The following SLC43A1 variants were observed in gnomAD, a reference collection of about 807,000 sequenced individuals.
SLC43A1 encodes the protein large neutral amino acids transporter small subunit 3.
SLC43A1 carries 31 observed loss-of-function variants against 59.5 expected under a neutral mutation model. The observed-to-expected ratio is 0.52, with a 90% CI of 0.39 to 0.70. The LOEUF (loss-of-function observed/expected upper bound fraction) is 0.70, where lower values mean the gene tolerates loss of function less well. Among genes scored for constraint, SLC43A1 ranks in the 30% least tolerant of loss-of-function variants. The pLI is 0.00. For synonymous variants in SLC43A1, 259 were observed against 290.9 expected, an observed-to-expected ratio of 0.89 and a Z score of 1.12; for missense variants, 598 against 717.8, an observed-to-expected ratio of 0.83 and a Z score of 1.91.
In SLC43A1 at chr11:57,491,238, G is replaced by C. The variant is rs567214935; in HGVS notation, c.1179C>G (p.Val393=). ...AGGCAGGTCACCTGGCATCTCCGAG[G>C]ACAGTGCCCTGAGTTGGGGCGTCCA... ...DCVDAPTQGT[V]LGDARDGVAT... is the part of the protein sequence containing the mutation. The change falls in exon 11 of 15, where the codon GTC becomes GTG. Residue 393 remains valine, a synonymous_variant. Transcript: ENST00000278426. 6.3e-7 allele frequency: 1 copy of C among 1,589,668 alleles called. No individual in the cohort carries two copies. The highest frequency in any genetic ancestry group is 1.8e-5 in the Admixed American group (1 of 57,012).
intron 2 of SLC43A1, among the ~76,000 whole-genome samples, chr11:57,502,740 G>A (rs1008609236): frequency 5.9e-5 from 9 of 152,020 alleles, no homozygotes; most frequent in Admixed American, 1.3e-4. Flanking sequence ...CGAGCATGGC[G>A]ATGCATGTCT....
intron 2 of SLC43A1, among the ~76,000 whole-genome samples, chr11:57,509,756 A>G (rs1944488991): frequency 6.6e-6 from 1 of 151,878 alleles, no homozygotes; most frequent in African/African-American, 2.4e-5. Flanking sequence ...GAAAGAAGGA[A>G]ACACAGGTGT....
chr11:57,503,603 A>G (rs548633393), intron 2 of SLC43A1, among the ~76,000 whole-genome samples: 1 of 152,266 alleles, frequency 6.6e-6, no homozygotes, highest in African/African-American at 2.4e-5. Flanking sequence ...GATTACAGAC[A>G]TGAGCAACTG....
chr11:57,497,925 G>T, intron 5 of SLC43A1, 80 bp from the exon 6 acceptor site: 1 of 1,061,476 alleles, frequency 9.4e-7, no homozygotes, highest in South Asian at 1.4e-5. Flanking sequence ...CCATACAATA[G>T]CCCCAGGAGA....
intron 13 of SLC43A1, among the ~76,000 whole-genome samples, chr11:57,488,480 TTATTG>T: frequency 6.6e-6 from 1 of 152,320 alleles, no homozygotes; most frequent in South Asian, 2.1e-4. Flanking sequence ...TTTGTCATCA[TTATTG>T]TAATGTCCTG....
chr11:57,514,999 G>A lies in SLC43A1; in HGVS notation c.-14+445C>T. On this transcript the variant is annotated intron_variant, in intron 1 of 14. Transcript: ENST00000278426. This position sits in a 1 kb window ranked among gnomAD's most constrained non-coding sequence, Gnocchi z 5.5. ...GCTGCAGCCTCGGCGGGAGGAGAGGGAACGCGGGCGGCGCGGGGGCGGGGA... is the reference window on the plus strand; with the variant it reads ...GCTGCAGCCTCGGCGGGAGGAGAGGAAACGCGGGCGGCGCGGGGGCGGGGA... The A allele has an allele frequency of 2.0e-6, 2 of 983,516 alleles. No individual in the cohort carries two copies. The highest frequency in any genetic ancestry group is 2.4e-6 in the Non-Finnish European group (2 of 828,220). 60.9% of individuals were successfully genotyped at this position (983,516 alleles called of 1,614,324 possible).
intron 6 of SLC43A1, among the ~76,000 whole-genome samples, chr11:57,496,788 T>A (rs1054789320): frequency 3.3e-5 from 5 of 152,216 alleles, no homozygotes; most frequent in African/African-American, 1.2e-4. Context: ...TGTCAGCCCT[T>A]CTTATGGAAG....
At chr11:57,493,091 G>A (rs1055153443) in intron 8 of SLC43A1, among the ~76,000 whole-genome samples, 1 of 151,982 alleles carries the variant, frequency 6.6e-6, no homozygotes, top group Non-Finnish European at 1.5e-5. Context: ...ACTCACTATG[G>A]GCTACATACT....
chr11:57,504,156 C>T (rs1944338934), intron 2 of SLC43A1, among the ~76,000 whole-genome samples: 3 of 152,112 alleles, frequency 2.0e-5, no homozygotes, highest in Admixed American at 2.0e-4. Context: ...GAGATCGCGC[C>T]ACTGCACTCC....
intron 14 of SLC43A1, among the ~76,000 whole-genome samples, chr11:57,486,459 G>A (rs1255608148): frequency 4.0e-5 from 6 of 150,760 alleles, no homozygotes; most frequent in Admixed American, 1.3e-4. Flanking sequence ...TTTTACCACT[G>A]CACTCCAGAC....
chr11:57,493,923 T>A (rs1435845168), intron 8 of SLC43A1, 70 bp downstream of exon 8: 1 of 1,447,078 alleles, frequency 6.9e-7, no homozygotes. Context: ...TACTCAACCA[T>A]GAGTGCTCAC....
chr11:57,496,214 C>A, intron 6 of SLC43A1, 50 bp from the exon 7 acceptor site: 1 of 1,606,366 alleles, frequency 6.2e-7, no homozygotes, highest in East Asian at 2.2e-5. Flanking sequence ...GGCCCCAGAC[C>A]CCACCAAGGT....
At chr11:57,498,359 T>A (rs1019547323) in intron 5 of SLC43A1, among the ~76,000 whole-genome samples, 3 of 152,078 alleles carry the variant, frequency 2.0e-5, no homozygotes, top group African/African-American at 7.2e-5. Flanking sequence ...GAGAATCGCT[T>A]GAACCTGGGA....
intron 8 of SLC43A1, among the ~76,000 whole-genome samples, chr11:57,492,106 C>T (rs1475424069): frequency 3.3e-5 from 5 of 151,850 alleles, no homozygotes; most frequent in East Asian, 3.9e-4. Flanking sequence ...CCATGGCTCA[C>T]GCCTGTAATC....
At chr11:57,513,359 T>C (rs1365762602) in intron 2 of SLC43A1, among the ~76,000 whole-genome samples, 1 of 152,228 alleles carries the variant, frequency 6.6e-6, no homozygotes, top group Admixed American at 6.5e-5. Context: ...GGTAACTCCC[T>C]GCCCCAAGGC....
chr11:57,496,216 C>A (rs752517233), intron 6 of SLC43A1, 52 bp from the exon 7 acceptor site: 13 of 1,601,198 alleles, frequency 8.1e-6, no homozygotes, highest in Non-Finnish European at 1.1e-5. Flanking sequence ...CCCCAGACCC[C>A]ACCAAGGTAG....
intron 5 of SLC43A1, among the ~76,000 whole-genome samples, chr11:57,498,450 A>G (rs970436651): frequency 1.3e-5 from 2 of 151,866 alleles, no homozygotes; most frequent in African/African-American, 4.8e-5. Context: ...CCACCCCCCA[A>G]AAAAAAAGAA....
chr11:57,511,754 C>T (rs1343918291), intron 2 of SLC43A1, among the ~76,000 whole-genome samples: 2 of 152,120 alleles, frequency 1.3e-5, no homozygotes, highest in African/African-American at 4.8e-5. Flanking sequence ...GGATGAACCT[C>T]AAAAACATTA....
intron 2 of SLC43A1, among the ~76,000 whole-genome samples, chr11:57,506,461 G>A (rs1944397190): frequency 6.6e-6 from 1 of 152,064 alleles, no homozygotes; most frequent in South Asian, 2.1e-4. Flanking sequence ...GCTTGAGCCT[G>A]GGAGATCAAG....
Sources: allele counts gnomAD v4.1 joint callset (sites outside exome capture counted in the v4.1 genomes callset), GRCh38; gene constraint gnomAD v4.1.1; non-coding constraint Gnocchi (gnomAD v3.1); transcripts MANE v1.5; gene names NCBI Gene and HGNC (gene_info 2026-07-23, HGNC 2026-07-21).